The following HDAC9 variants were observed in gnomAD, a reference collection of about 807,000 sequenced individuals.
HDAC9 encodes the protein histone deacetylase 9.
In HDAC9, 41 loss-of-function variants were observed where a neutral mutation model predicts 139.4. That is an observed-to-expected ratio of 0.29 (90% confidence interval 0.23 to 0.38). HDAC9 has a LOEUF of 0.38. Ranked by LOEUF, HDAC9 falls within the 10% of genes least tolerant of loss-of-function variation. The pLI is 1.00. For synonymous variants in HDAC9, 517 were observed against 476.2 expected (o/e 1.09, Z -1.12); for missense variants, 1,147 against 1,297.0 (o/e 0.88, Z 1.78).
chr7:18,781,252 T>C (rs979245582), intron 16 of HDAC9, among the ~76,000 whole-genome samples: 4 of 152,042 alleles, frequency 2.6e-5, no homozygotes, highest in Admixed American at 2.6e-4. Flanking sequence ...GGCTTAGGAC[T>C]TCAATATGCG....
chr7:18,648,517 C>T lies in HDAC9; in HGVS notation c.1301C>T (p.Ser434Leu), dbSNP rs752484524. Residue 434 changes from serine (S) to leucine (L), a missense_variant, in exon 11 of 26, where the codon TCA becomes TTA. Ser to Leu is a moderately radical substitution (Grantham distance 145). Around this residue, in one of 7 missense-constraint regions of HDAC9, gnomAD observed 264 missense variants for 273.8 expected, o/e 0.96. Transcript: ENST00000686413. ...CCCTTGGCAACAAAAGAGAGAATTT[C>T]ACCTGGCATTAGAGGTACCCACAAA... ...QSPLATKERISPGIRGTHKLP... is the reference protein window; with the variant it reads ...QSPLATKERILPGIRGTHKLP... 1 of 1,613,344 alleles carries T rather than the reference C, an allele frequency of 6.2e-7. No individual in the cohort carries two copies. Among genetic ancestry groups the T allele is most frequent in the Non-Finnish European group, 8.5e-7 (1 of 1,179,748 alleles).
At chr7:18,524,863 T>TACACACACAC (rs57123600) in intron 2 of HDAC9, among the ~76,000 whole-genome samples, 69 of 127,738 alleles carry the variant, frequency 5.4e-4, no homozygotes, top group African/African-American at 1.1e-3. Flanking sequence ...CTTAGTGACA[T>TACACACACAC]ACACACACAC....
intron 14 of HDAC9, among the ~76,000 whole-genome samples, chr7:18,756,051 T>A (rs1383022871): frequency 6.6e-6 from 1 of 152,050 alleles, no homozygotes; most frequent in Admixed American, 6.6e-5. Flanking sequence ...CCCATTAGAA[T>A]CCTCTGGGTG....
At chr7:18,680,940 A>G (rs902096360) in intron 12 of HDAC9, among the ~76,000 whole-genome samples, 7 of 152,040 alleles carry the variant, frequency 4.6e-5, no homozygotes, top group Admixed American at 4.6e-4. Context: ...AAAGGATGAC[A>G]TTTGGCCTTG....
intron 1 of HDAC9, among the ~76,000 whole-genome samples, chr7:18,388,415 C>T (rs1383039731): frequency 2.0e-5 from 3 of 152,094 alleles, no homozygotes; most frequent in African/African-American, 7.2e-5. Context: ...TTTTGTGCAG[C>T]CTGTGAGGAT....
chr7:18,088,580 A>T, intron 1 of HDAC9, among the ~76,000 whole-genome samples: 1 of 152,264 alleles, frequency 6.6e-6, no homozygotes, highest in East Asian at 1.9e-4. Context: ...AATTAAAAAC[A>T]GCACAGAATA....
chr7:18,650,398 A>G (rs1299504525), intron 11 of HDAC9, among the ~76,000 whole-genome samples: 1 of 152,184 alleles, frequency 6.6e-6, no homozygotes, highest in Non-Finnish European at 1.5e-5. Context: ...ACTATGGTAA[A>G]GTAGGTAAAT....
At chr7:18,364,937 G>A (rs1744257389) in intron 1 of HDAC9, among the ~76,000 whole-genome samples, 1 of 152,038 alleles carries the variant, frequency 6.6e-6, no homozygotes, top group Non-Finnish European at 1.5e-5. Context: ...TTATGAACAA[G>A]AAAAAGTTGA....
At chr7:18,386,626 C>G (rs1785956205) in intron 1 of HDAC9, among the ~76,000 whole-genome samples, 1 of 152,200 alleles carries the variant, frequency 6.6e-6, no homozygotes, top group Admixed American at 6.5e-5. Context: ...TAACATTACA[C>G]TCTATGAGGT....
At chr7:18,769,837 C>T (rs561657534) in intron 16 of HDAC9, among the ~76,000 whole-genome samples, 1 of 152,180 alleles carries the variant, frequency 6.6e-6, no homozygotes. Context: ...TGGGAGCACC[C>T]TAGAGATTTT....
chr7:18,645,845 T>C (rs1787218301), intron 9 of HDAC9, among the ~76,000 whole-genome samples: 1 of 152,120 alleles, frequency 6.6e-6, no homozygotes, highest in South Asian at 2.1e-4. Flanking sequence ...CAACACATAG[T>C]TTCAATGCGT....
At chr7:18,641,842 T>C (rs577444124) in intron 8 of HDAC9, among the ~76,000 whole-genome samples, 5 of 152,210 alleles carry the variant, frequency 3.3e-5, no homozygotes, top group African/African-American at 1.2e-4. Flanking sequence ...AATCTGTTAG[T>C]CTGACTTTAA....
At chr7:18,962,677 A>G (rs1783602831) in intron 24 of HDAC9, among the ~76,000 whole-genome samples, 1 of 152,218 alleles carries the variant, frequency 6.6e-6, no homozygotes. Flanking sequence ...CTCAGGTGTT[A>G]GCACCCAGAT....
Position 18,454,724 on chromosome 7 carries a change from G to C in HDAC9, c.-41-41538G>C, listed in dbSNP as rs546107750. Among the ~76,000 whole-genome samples the C allele has an allele frequency of 6.4e-4, 98 of 151,978 alleles. No homozygotes were observed. The South Asian group carries it at 0.011, about 18-fold the overall frequency. The stretch of plus-strand genomic sequence containing the variant: ...TTATCTTATACCTTGTTATGCACCT[G>C]CTATTTTCAGCATTTATCCTAAAAA... On this transcript the variant is annotated intron_variant, in intron 1 of 3. Coordinates refer to the HDAC9 transcript ENST00000413509.
At chr7:18,612,531 G>A (rs1329958737) in intron 6 of HDAC9, among the ~76,000 whole-genome samples, 4 of 151,950 alleles carry the variant, frequency 2.6e-5, no homozygotes, top group African/African-American at 9.7e-5. Context: ...GAACTGAGGA[G>A]TCTCACTGAA....
chr7:18,144,439 CTG>C (rs1391639026), intron 1 of HDAC9, among the ~76,000 whole-genome samples: 2 of 152,162 alleles, frequency 1.3e-5, no homozygotes, highest in Non-Finnish European at 2.9e-5. Flanking sequence ...GGTCCTACCT[CTG>C]TGGATTTCCC....
At chr7:18,238,794 A>T (rs796760585) in intron 2 of HDAC9, among the ~76,000 whole-genome samples, 13 of 152,324 alleles carry the variant, frequency 8.5e-5, no homozygotes, top group African/African-American at 3.1e-4. Flanking sequence ...GGAAAACCAT[A>T]GAATGTTCCG....
Position 18,978,081 on chromosome 7 carries a change from C to T in HDAC9, c.3170+2128C>T, listed in dbSNP as rs539372387. 7.9e-5 allele frequency among the ~76,000 whole-genome samples: 12 copies of T among 152,082 alleles called. No individual in the cohort carries two copies. The East Asian group carries it at 1.4e-3, about 17-fold the overall frequency. On this transcript the variant is annotated intron_variant, in intron 25 of 25. Coordinates refer to ENST00000686413, the MANE Select transcript of HDAC9 (RefSeq NM_178425.4). ...TGGCTTTCAAAATGAGATAAAGTGGCGGAAACGTTTCTGGGCTTTTCTTAT... is the reference window on the plus strand; with the variant it reads ...TGGCTTTCAAAATGAGATAAAGTGGTGGAAACGTTTCTGGGCTTTTCTTAT...
chr7:18,174,653 G>A (rs1256974037), intron 2 of HDAC9, among the ~76,000 whole-genome samples: 1 of 151,596 alleles, frequency 6.6e-6, no homozygotes, highest in African/African-American at 2.4e-5. Context: ...TGTCCTTTCT[G>A]TTGATGTTGA....
Sources: gnomAD v4.1 joint callset for allele counts (sites outside exome capture counted in the v4.1 genomes callset) on GRCh38, gnomAD v4.1.1 for gene constraint, gnomAD v4.1.1 regional missense constraint, MANE v1.5 for transcripts, NCBI Gene and HGNC (gene_info 2026-07-23, HGNC 2026-07-21) for gene names.